The following C3orf33 variants were observed in gnomAD, a reference collection of about 807,000 sequenced individuals.
C3orf33 encodes AP-1 activity suppressor.
A neutral mutation model predicts 28.7 loss-of-function variants in C3orf33; 23 were observed. The ratio of observed to expected loss-of-function variants is 0.80; its 90% CI spans 0.58 to 1.13. The LOEUF is 1.13. Ranked by LOEUF, C3orf33 falls within the 50% of genes most tolerant of loss-of-function variation. The probability of loss-of-function intolerance (pLI) is 0.00; values close to 1 mark genes in which losing one functional copy is unlikely to be tolerated. For synonymous variants in C3orf33, 119 were observed against 120.5 expected (o/e 0.99, Z 0.08); for missense variants, 327 against 353.4 (o/e 0.93, Z 0.60).
At chr3:155,795,186 TG>T (rs1431392107) in intron 2 of C3orf33, among the ~76,000 whole-genome samples, 1 of 152,250 alleles carries the variant, frequency 6.6e-6, no homozygotes, top group Non-Finnish European at 1.5e-5. Flanking sequence ...CCGTGTGCGG[TG>T]GCTCACACCT....
intron 2 of C3orf33, among the ~76,000 whole-genome samples, chr3:155,788,957 A>G (rs1368480367): frequency 6.6e-6 from 1 of 152,230 alleles, no homozygotes; most frequent in Non-Finnish European, 1.5e-5. Flanking sequence ...GAACTAACAC[A>G]CAAATTCAAC....
At chr3:155,806,090 C>A (rs2109287638) in intron 1 of C3orf33, 49 bp downstream of exon 1, 1 of 1,286,922 alleles carries the variant, frequency 7.8e-7, no homozygotes, top group Non-Finnish European at 1.0e-6. Flanking sequence ...CAGGGTCGCT[C>A]TGTGCCGCCC....
In C3orf33 at chr3:155,775,665, C is replaced by T. The variant is rs531891307; in HGVS notation, c.322+36G>A. ...AATAACTTCTAATAAAAGAAGACCA[C>T]AATAGTTAGTTTCATTAATCTTGTA... On this transcript the variant is annotated intron_variant, in intron 3 of 4. Coordinates refer to ENST00000340171, the MANE Select transcript of C3orf33 (RefSeq NM_001308229.2). 5.7e-5 allele frequency: 78 copies of T among 1,379,578 alleles called. 3 individuals carry two copies. The South Asian group carries it at 1.1e-3, about 19-fold the overall frequency. The allele number at this position is 1,379,578 out of a possible 1,614,324, so 85.5% of individuals were successfully genotyped here.
intron 4 of C3orf33, among the ~76,000 whole-genome samples, chr3:155,764,173 G>A (rs1013106490): frequency 2.6e-5 from 4 of 152,104 alleles, no homozygotes; most frequent in African/African-American, 9.7e-5. Flanking sequence ...CTCCTAATCC[G>A]AAGAGGTGAG....
At chr3:155,784,852 G>A (rs1751051482) in intron 2 of C3orf33, among the ~76,000 whole-genome samples, 1 of 151,464 alleles carries the variant, frequency 6.6e-6, no homozygotes, top group African/African-American at 2.4e-5. Flanking sequence ...GAAAACAGAT[G>A]GCAAAATGAC....
At chr3:155,773,377 A>G (rs1423647952) in intron 3 of C3orf33, among the ~76,000 whole-genome samples, 1 of 152,338 alleles carries the variant, frequency 6.6e-6, no homozygotes, top group East Asian at 1.9e-4. Flanking sequence ...TGAGAGGTAT[A>G]AGACATTTAA....
rs1334795411 is a variant in C3orf33 at position 155,799,751 on chromosome 3, C to T, written c.174+2781G>A. Among the ~76,000 whole-genome samples, 4 of 152,230 alleles carry T rather than the reference C, an allele frequency of 2.6e-5. No homozygotes were observed. In the East Asian group the frequency reaches 7.7e-4, roughly 29 times the overall value. ...GAATACTATTCATCCTTAAACAGAA[C>T]TGTTGTTTCCAACACCATGGATGGA... is the stretch of plus-strand genomic sequence containing the variant. On this transcript the variant is annotated intron_variant, in intron 2 of 4. Transcript: ENST00000340171.
intron 4 of C3orf33, among the ~76,000 whole-genome samples, chr3:155,765,611 G>A (rs1426283292): frequency 6.6e-6 from 1 of 152,082 alleles, no homozygotes; most frequent in African/African-American, 2.4e-5. Context: ...GCAGTGGCAC[G>A]ATCTCGGCTT....
At chr3:155,805,072 T>C (rs1364750333) in intron 1 of C3orf33, among the ~76,000 whole-genome samples, 1 of 151,926 alleles carries the variant, frequency 6.6e-6, no homozygotes, top group Non-Finnish European at 1.5e-5. Flanking sequence ...ATCACCACAA[T>C]TCTGTGTCTT....
intron 2 of C3orf33, among the ~76,000 whole-genome samples, chr3:155,778,151 A>AAAC (rs1358541358): frequency 5.3e-5 from 8 of 151,508 alleles, no homozygotes; most frequent in Non-Finnish European, 7.4e-5. Flanking sequence ...CAAAAAAAAA[A>AAAC]AAAAAAAAAA....
chr3:155,772,206 A>G (rs1415444248), intron 3 of C3orf33, among the ~76,000 whole-genome samples: 5 of 152,190 alleles, frequency 3.3e-5, no homozygotes, highest in African/African-American at 1.2e-4. Flanking sequence ...CCCAGTCTCA[A>G]AATCAATCAA....
intron 1 of C3orf33, among the ~76,000 whole-genome samples, chr3:155,804,822 A>G (rs934459119): frequency 1.3e-5 from 2 of 152,174 alleles, no homozygotes; most frequent in Non-Finnish European, 2.9e-5. Context: ...CCAATGTTCT[A>G]TGTCAGGTTC....
chr3:155,765,213 A>G (rs1159077977), intron 4 of C3orf33, among the ~76,000 whole-genome samples: 1 of 152,210 alleles, frequency 6.6e-6, no homozygotes, highest in Non-Finnish European at 1.5e-5. Flanking sequence ...GGAGCCAGGA[A>G]GAGTTGGGTT....
intron 2 of C3orf33, among the ~76,000 whole-genome samples, chr3:155,791,739 C>T (rs1751321279): frequency 6.6e-6 from 1 of 151,620 alleles, no homozygotes; most frequent in African/African-American, 2.4e-5. Context: ...AGAGACTCTT[C>T]TGCTTGTGGA....
chr3:155,765,878 A>T (rs1038272210), intron 4 of C3orf33, among the ~76,000 whole-genome samples: 3 of 152,308 alleles, frequency 2.0e-5, no homozygotes, highest in Admixed American at 6.5e-5. Context: ...CTTACTTTTA[A>T]AATACAAGAT....
intron 2 of C3orf33, among the ~76,000 whole-genome samples, chr3:155,780,992 C>CT (rs746458091): frequency 0.028 from 3,926 of 141,118 alleles, 212 homozygotes; most frequent in African/African-American, 0.09. Context: ...CTCTAGACTT[C>CT]TTTTTTTTTT....
At position 155,775,846 on chromosome 3, in the gene C3orf33, T is replaced by C; in HGVS notation, c.177A>G (p.Thr59=). The change falls in exon 3 of 5, where the codon ACA becomes ACG. Residue 59 remains threonine (T), a splice_region_variant and synonymous_variant. Coordinates refer to ENST00000340171, the MANE Select transcript of C3orf33 (RefSeq NM_001308229.2). ...TATCCGAAGAGCTTGTAAATTTTGA[T>C]GTCTATTGATTTACAGGGAGAAAAA... The part of the protein sequence containing the change: ...IMLLLRSIRL[T]SKFTSSSDIP... The C allele has an allele frequency of 6.3e-7, 1 of 1,582,272 alleles. No individual in the cohort carries two copies. The highest frequency in any genetic ancestry group is 2.2e-5 in the East Asian group (1 of 44,522).
intron 1 of C3orf33, 23 bp downstream of exon 1, chr3:155,806,115 GC>G: frequency 7.2e-7 from 1 of 1,383,272 alleles, no homozygotes; most frequent in Non-Finnish European, 9.5e-7. Context: ...CCCACCACCC[GC>G]CCAGACTGCG....
At chr3:155,800,610 CA>C (rs58092818) in intron 2 of C3orf33, among the ~76,000 whole-genome samples, 91 of 15,584 alleles carry the variant, frequency 5.8e-3, no homozygotes, top group South Asian at 0.013. Context: ...ACCTTATCTC[CA>C]AAAAAAAAAA....
Sources: allele counts gnomAD v4.1 joint callset (sites outside exome capture counted in the v4.1 genomes callset), GRCh38; gene constraint gnomAD v4.1.1; transcripts MANE v1.5; gene names NCBI Gene and HGNC (gene_info 2026-07-23, HGNC 2026-07-21).